The following KCNMB3 variants were observed in gnomAD, a reference collection of about 807,000 sequenced individuals.
KCNMB3 encodes the protein potassium calcium-activated channel subfamily M regulatory beta subunit 3.
A neutral mutation model predicts 11.9 loss-of-function variants in KCNMB3; 18 were observed. The ratio of observed to expected loss-of-function variants is 1.51; its 90% CI spans 1.04 to 2.23. The LOEUF (loss-of-function observed/expected upper bound fraction) is 2.23. Among genes scored for constraint, KCNMB3 ranks in the 30% most tolerant of loss-of-function variants. The probability of loss-of-function intolerance (pLI) is 0.00; values close to 1 mark genes in which losing one functional copy is unlikely to be tolerated. For synonymous variants in KCNMB3, 78 were observed against 119.2 expected (o/e 0.65, Z 2.25); for missense variants, 247 against 329.4 (o/e 0.75, Z 1.94).
upstream of KCNMB3, among the ~76,000 whole-genome samples, chr3:179,256,492 A>G (rs945812157): frequency 1.3e-5 from 2 of 152,126 alleles, no homozygotes; most frequent in Non-Finnish European, 2.9e-5. Context: ...TTATCTTATT[A>G]CTATTATGTC....
upstream of KCNMB3, among the ~76,000 whole-genome samples, chr3:179,254,108 G>C (rs1177948977): frequency 2.6e-5 from 4 of 152,174 alleles, no homozygotes; most frequent in African/African-American, 9.7e-5. Context: ...TAGGGTCACA[G>C]GGACAGGAGA....
chr3:179,256,606 T>C (rs73187300), upstream of KCNMB3, among the ~76,000 whole-genome samples: 21,174 of 152,142 alleles, frequency 0.14, 1,586 homozygotes, highest in Non-Finnish European at 0.18. Context: ...ATTAATTTCA[T>C]GTTGAAAAGT....
intron 1 of KCNMB3, among the ~76,000 whole-genome samples, chr3:179,250,199 A>T (rs1019995079): frequency 2.0e-5 from 3 of 152,210 alleles, no homozygotes; most frequent in African/African-American, 7.2e-5. Flanking sequence ...CAGGGGTGGC[A>T]GGCACAGAAG....
At chr3:179,260,467 G>A in intron 1 of KCNMB3, 1 of 1,613,226 alleles carries the variant, frequency 6.2e-7, no homozygotes, top group South Asian at 1.1e-5. Flanking sequence ...TCCTCTGTGT[G>A]TTGTTCTTTC....
chr3:179,263,198 G>A (rs899296262), intron 1 of KCNMB3, among the ~76,000 whole-genome samples: 5 of 152,228 alleles, frequency 3.3e-5, no homozygotes, highest in African/African-American at 7.2e-5. Flanking sequence ...GCCCTGCCCC[G>A]CGGGGAGGCA....
At chr3:179,257,870 TTTTG>T (rs1726065081) in intron 1 of KCNMB3, among the ~76,000 whole-genome samples, 2 of 60,184 alleles carry the variant, frequency 3.3e-5, no homozygotes, top group Admixed American at 4.0e-4. Context: ...GAAAACATTG[TTTTG>T]TGTGTGTGTG....
At chr3:179,239,732 C>T (rs188928436), downstream of KCNMB3, 36 of 365,600 alleles carry the variant, frequency 9.8e-5, no homozygotes, top group South Asian at 9.5e-5. Context: ...TCAAGAAATT[C>T]GAACCACCCT....
At chr3:179,257,219 T>C (rs1210099631) in intron 1 of KCNMB3, among the ~76,000 whole-genome samples, 1 of 152,220 alleles carries the variant, frequency 6.6e-6, no homozygotes, top group South Asian at 2.1e-4. Context: ...TACATATAGA[T>C]GGTCCCCCAA....
At chr3:179,241,480 T>C (rs1277379514), downstream of KCNMB3, 1 of 154,378 alleles carries the variant, frequency 6.5e-6, no homozygotes, top group Non-Finnish European at 1.5e-5. Context: ...CGAAATTAAT[T>C]GCTAAAAGGG....
chr3:179,239,850 C>T (rs1725405202), downstream of KCNMB3: 19 of 512,230 alleles, frequency 3.7e-5, no homozygotes, highest in Middle Eastern at 5.1e-4. Flanking sequence ...TTTTAATGTC[C>T]TTTTAATGAT....
chr3:179,239,895 T>G (rs1725406525), downstream of KCNMB3: 1 of 695,308 alleles, frequency 1.4e-6, no homozygotes, highest in East Asian at 2.9e-5. Flanking sequence ...AAGATGCATG[T>G]GTTACTATAT....
At chr3:179,259,161 T>C in intron 1 of KCNMB3, 1 of 1,565,290 alleles carries the variant, frequency 6.4e-7, no homozygotes, top group Non-Finnish European at 8.6e-7. Context: ...GTCTAAAGCT[T>C]TCCTGATGGT....
At chr3:179,243,415 T>A in intron 2 of KCNMB3, 131 bp from the exon 3 acceptor site, 2 of 621,792 alleles carry the variant, frequency 3.2e-6, no homozygotes, top group Non-Finnish European at 5.8e-6. Flanking sequence ...GGTGGTAAAA[T>A]ATTACATAGC....
chr3:179,250,014 G>A (rs988264461), intron 1 of KCNMB3, among the ~76,000 whole-genome samples: 5 of 152,114 alleles, frequency 3.3e-5, no homozygotes, highest in Non-Finnish European at 1.5e-5. Flanking sequence ...TGCACATTCT[G>A]TACATGTACC....
At position 179,259,511 on chromosome 3, in the gene KCNMB3, T is replaced by C. The variant is rs566309451; in HGVS notation, c.62+7138A>G. 7 of 1,611,962 alleles carry C rather than the reference T, an allele frequency of 4.3e-6. No homozygotes were observed. The African/African-American group carries it at 6.7e-5, about 15-fold the overall frequency. The stretch of plus-strand genomic sequence containing the variant: ...CATCCAACTTCATTTTAGGATTCTC[T>C]GGACAATCAACATTTTCACTGCTTT... On this transcript the variant is annotated intron_variant, in intron 1 of 3. Transcript: ENST00000349697.
intron 1 of KCNMB3, 136 bp downstream of exon 1, chr3:179,250,607 G>T: frequency 1.1e-6 from 1 of 903,484 alleles, no homozygotes; most frequent in African/African-American, 1.7e-5. Flanking sequence ...AGCGGAAGAG[G>T]AATTGTATTT....
At chr3:179,263,809 T>C (rs1576965985) in intron 1 of KCNMB3, among the ~76,000 whole-genome samples, 2 of 131,484 alleles carry the variant, frequency 1.5e-5, no homozygotes, top group Non-Finnish European at 3.2e-5. Context: ...TCTTTTTTTT[T>C]TTTTTTTTTT....
chr3:179,266,717 A>G (rs773675996), exon 1 of KCNMB3: 15 of 1,613,904 alleles, frequency 9.3e-6, no homozygotes, highest in Non-Finnish European at 1.3e-5. Context: ...GCATGAGGCC[A>G]GGGGTCTGAG....
chr3:179,266,734 G>T (rs1311343865), exon 1 of KCNMB3: 5 of 1,613,312 alleles, frequency 3.1e-6, no homozygotes, highest in Non-Finnish European at 4.2e-6. Context: ...TGAGAAAATG[G>T]CTCCCTTTCA....
Sources: gnomAD v4.1 joint callset for allele counts (sites outside exome capture counted in the v4.1 genomes callset) on GRCh38, gnomAD v4.1.1 for gene constraint, MANE v1.5 for transcripts, NCBI Gene and HGNC (gene_info 2026-07-23, HGNC 2026-07-21) for gene names.